Variants in TDRD7 observed in about 807,000 individuals in gnomAD.
TDRD7 encodes tudor domain-containing protein 7.
In TDRD7, 47 loss-of-function variants were observed where a neutral mutation model predicts 109.8. The observed-to-expected ratio is 0.43, with a 90% CI of 0.34 to 0.55. The LOEUF (loss-of-function observed/expected upper bound fraction) is 0.55. Ranked by LOEUF, TDRD7 falls within the 20% of genes least tolerant of loss-of-function variation. The pLI, the probability that TDRD7 is intolerant of heterozygous loss-of-function variation, is 0.03. For missense variants in TDRD7, 1,164 were observed against 1,319.2 expected, an observed-to-expected ratio of 0.88 and a Z score of 1.82; for synonymous variants, 424 against 457.3, an observed-to-expected ratio of 0.93 and a Z score of 0.93.
In TDRD7 at chr9:97,460,588, T is replaced by A. The variant is rs1393679730; in HGVS notation, c.1266T>A (p.Gly422=). The change falls in exon 7 of 17, where the codon GGT becomes GGA. Residue 422 remains glycine (G), a synonymous_variant. Transcript: ENST00000355295. ...KIQKDAGQAH[G]DNDIKAMVEQ... ...AAAAGGATGCAGGGCAAGCACATGG[T>A]GATAATGATATCAAGGCTATGGTTG... The A allele has an allele frequency of 1.9e-6, 3 of 1,614,194 alleles. No homozygotes were observed. In the East Asian group the frequency reaches 6.7e-5, roughly 36 times the overall value.
At position 97,417,958 on chromosome 9, in the gene TDRD7, C is replaced by T. The variant is rs555641331; in HGVS notation, c.-7+5720C>T. Among the ~76,000 whole-genome samples, 47 of 152,250 alleles carry T rather than the reference C, an allele frequency of 3.1e-4. 1 individual carries two copies. Among genetic ancestry groups the T allele is most frequent in the African/African-American group, 1.1e-3 (45 of 41,550 alleles). ...TGGCCAACATGGTGAAACCCCGTCC[C>T]TACTAAAAATACAAAAAGTAGCCAG... On this transcript the variant is annotated intron_variant, in intron 1 of 16. Coordinates refer to ENST00000355295, the MANE Select transcript of TDRD7 (RefSeq NM_014290.3).
chr9:97,431,346 T>A (rs893023639), intron 3 of TDRD7, among the ~76,000 whole-genome samples: 5 of 152,188 alleles, frequency 3.3e-5, no homozygotes, highest in African/African-American at 9.7e-5. Flanking sequence ...TTATTTTTTT[T>A]AAGCTCATTT....
rs1828095376 is a variant in TDRD7 at position 97,431,005 on chromosome 9, A to G, written c.280A>G (p.Lys94Glu). ...GCTTGTGGCTCGTCAAAGGAGTTCT[A>G]AAAGGAAAACCGGGCGTCAAGTTAA... ...AQLVARQRSS[K>E]RKTGRQVNCQ... The change falls in exon 3 of 17, where the codon AAA becomes GAA. Residue 94 changes from lysine (K) to glutamate (E), a missense_variant. Around this residue, in one of 5 missense-constraint regions of TDRD7, gnomAD observed 101 missense variants for 148.5 expected, o/e 0.68. Transcript: ENST00000355295. 1 of 1,613,830 alleles carries G rather than the reference A, an allele frequency of 6.2e-7. No homozygotes were observed. Among genetic ancestry groups the G allele is most frequent in the Non-Finnish European group, 8.5e-7 (1 of 1,179,884 alleles).
At chr9:97,472,525 T>C in intron 10 of TDRD7, 30 bp downstream of exon 10, 1 of 1,568,006 alleles carries the variant, frequency 6.4e-7, no homozygotes, top group Non-Finnish European at 8.8e-7. Context: ...TGTTGCTTGT[T>C]ACACATTTTG....
At chr9:97,485,622 T>G (rs563307038) in intron 15 of TDRD7, among the ~76,000 whole-genome samples, 1 of 152,374 alleles carries the variant, frequency 6.6e-6, no homozygotes, top group East Asian at 1.9e-4. Context: ...TCTCTTCAGT[T>G]TGATCTGAAG....
chr9:97,477,365 T>C (rs1008673262), intron 12 of TDRD7, among the ~76,000 whole-genome samples: 9 of 152,214 alleles, frequency 5.9e-5, no homozygotes, highest in Non-Finnish European at 5.9e-5. Context: ...TTAGTTGTCA[T>C]GTCTTCTTAG....
intron 5 of TDRD7, among the ~76,000 whole-genome samples, chr9:97,439,741 T>C (rs905623670): frequency 5.9e-5 from 9 of 152,210 alleles, no homozygotes; most frequent in African/African-American, 2.2e-4. Context: ...ACTTAAAAGC[T>C]AGCACCCTAA....
chr9:97,454,939 T>G (rs1828578003), intron 6 of TDRD7, among the ~76,000 whole-genome samples: 1 of 151,854 alleles, frequency 6.6e-6, no homozygotes, highest in Admixed American at 6.6e-5. Flanking sequence ...CTAGCTAGAC[T>G]AATAAGAAGA....
At position 97,483,363 on chromosome 9, in the gene TDRD7, G is replaced by C; in HGVS notation, c.2915+12G>C. 6.2e-7 allele frequency: 1 copy of C among 1,612,608 alleles called. No homozygotes were observed. Among genetic ancestry groups the C allele is most frequent in the East Asian group, 2.2e-5 (1 of 44,878 alleles). On this transcript the variant is annotated intron_variant, in intron 15 of 16. Transcript: ENST00000355295. ...AAAGTGGAAAATAAGTAGGTCCTTGGACAAAGCATTTTATTCTACTCCTAA... is the reference window on the plus strand; with the variant it reads ...AAAGTGGAAAATAAGTAGGTCCTTGCACAAAGCATTTTATTCTACTCCTAA...
At chr9:97,474,753 T>C (rs1828985183) in intron 11 of TDRD7, among the ~76,000 whole-genome samples, 1 of 152,180 alleles carries the variant, frequency 6.6e-6, no homozygotes, top group Admixed American at 6.5e-5. Flanking sequence ...TATTTCCTAC[T>C]GCACTCGTAA....
At chr9:97,484,489 C>G (rs1002938522) in intron 15 of TDRD7, among the ~76,000 whole-genome samples, 1 of 150,810 alleles carries the variant, frequency 6.6e-6, no homozygotes, top group Admixed American at 6.6e-5. Context: ...CACACACACA[C>G]ACACCCCAAA....
intron 1 of TDRD7, among the ~76,000 whole-genome samples, chr9:97,420,855 C>T (rs1034441614): frequency 2.0e-5 from 3 of 152,094 alleles, no homozygotes; most frequent in Middle Eastern, 3.2e-3. Flanking sequence ...TCAAACTGGC[C>T]GGGGCAGTGG....
chr9:97,487,474 C>T (rs1829230917), intron 16 of TDRD7, 142 bp downstream of exon 16: 1 of 993,750 alleles, frequency 1.0e-6, no homozygotes. Context: ...AATATTGCAA[C>T]CATAATGGAA....
intron 1 of TDRD7, among the ~76,000 whole-genome samples, chr9:97,421,520 G>A (rs1018921803): frequency 6.6e-6 from 1 of 152,048 alleles, no homozygotes; most frequent in African/African-American, 2.4e-5. Context: ...ACAATCTGTG[G>A]CTTTTCATTT....
chr9:97,469,298 G>T (rs1156913112), intron 8 of TDRD7, among the ~76,000 whole-genome samples: 1 of 152,196 alleles, frequency 6.6e-6, no homozygotes, highest in East Asian at 1.9e-4. Context: ...ATGGCCAGCT[G>T]CCTGACATGC....
intron 4 of TDRD7, among the ~76,000 whole-genome samples, chr9:97,438,555 G>A (rs1231570032): frequency 1.3e-5 from 2 of 152,272 alleles, no homozygotes; most frequent in East Asian, 3.9e-4. Context: ...TTAGAGTCTA[G>A]TGTGGGAAAC....
chr9:97,419,131 T>C (rs1454214642), intron 1 of TDRD7, among the ~76,000 whole-genome samples: 1 of 152,194 alleles, frequency 6.6e-6, no homozygotes, highest in Non-Finnish European at 1.5e-5. Context: ...CTATATGTAA[T>C]GCGTATGTAG....
intron 1 of TDRD7, among the ~76,000 whole-genome samples, chr9:97,422,658 T>C (rs12156562): frequency 0.53 from 80,473 of 152,008 alleles, 21,550 homozygotes; most frequent in African/African-American, 0.61. Flanking sequence ...TGATGTTAAC[T>C]GTGGGTTTTT....
intron 2 of TDRD7, among the ~76,000 whole-genome samples, chr9:97,430,607 T>C (rs1157893595): frequency 6.6e-6 from 1 of 152,190 alleles, no homozygotes; most frequent in Non-Finnish European, 1.5e-5. Flanking sequence ...ACAGATTATA[T>C]GATATTATAC....
Sources: gnomAD v4.1 joint callset for allele counts (sites outside exome capture counted in the v4.1 genomes callset) on GRCh38, gnomAD v4.1.1 for gene constraint, gnomAD v4.1.1 regional missense constraint, MANE v1.5 for transcripts, NCBI Gene and HGNC (gene_info 2026-07-23, HGNC 2026-07-21) for gene names.